POLL: variants seen among roughly 807,000 people sequenced by gnomAD.
POLL encodes DNA polymerase lambda.
POLL carries 44 observed loss-of-function variants against 58.1 expected under a neutral mutation model. The observed-to-expected ratio is 0.76, with a 90% confidence interval of 0.60 to 0.97. The LOEUF (loss-of-function observed/expected upper bound fraction) is 0.97, where lower values mean the gene tolerates loss of function less well. POLL is among the 50% of genes least tolerant of loss of function. The pLI is 0.00. For synonymous variants in POLL, 290 were observed against 283.2 expected (o/e 1.02, Z -0.24); for missense variants, 632 against 736.8 (o/e 0.86, Z 1.65).
In POLL at chr10:101,588,126, C is replaced by T. The variant is rs1348016733; in HGVS notation, c.-351G>A. ...CCCCGGCCCCAAGAGTCTCTCCAAC[C>T]CCCAGAGTCGGTCCCCGGGTGGGGT... is the stretch of plus-strand genomic sequence containing the variant. On this transcript the variant is annotated 5_prime_UTR_variant, in exon 1 of 9. Transcript: ENST00000370162. The T allele has an allele frequency of 1.1e-5, 16 of 1,515,072 alleles. No homozygotes were observed. The highest frequency in any genetic ancestry group is 1.1e-5 in the Non-Finnish European group (12 of 1,133,786). The allele number at this position is 1,515,072 out of a possible 1,614,324, so 93.9% of individuals were successfully genotyped here. A position where few individuals can be genotyped will look rare whatever the true frequency, so the allele number is the denominator to read the frequency against.
Position 101,580,624 on chromosome 10 carries a change from A to G in POLL, c.1195-208T>C. On this transcript the variant is annotated intron_variant, in intron 7 of 8. Transcript: ENST00000370162. This position sits in a 1 kb window ranked among gnomAD's most constrained non-coding sequence, Gnocchi z 4.1. ...GAGAAGAAAAAGCTCACTGTGCAGG[A>G]GGCAAGCCTGAGGAGAGACGGGAGA... 1 of 548,956 alleles carries G rather than the reference A, an allele frequency of 1.8e-6. No homozygotes were observed. The highest frequency in any genetic ancestry group is 3.1e-5 in the East Asian group (1 of 32,104). 34.0% of individuals were successfully genotyped at this position (548,956 alleles called of 1,614,324 possible).
chr10:101,587,750 A>G, intron 1 of POLL, 72 bp downstream of exon 1: 1 of 1,188,094 alleles, frequency 8.4e-7, no homozygotes, highest in East Asian at 5.9e-5. Flanking sequence ...CTGGGCTAGG[A>G]AATGGAGCTT....
Position 101,584,273 on chromosome 10 carries a change from A to T in POLL, c.891+329T>A, listed in dbSNP as rs117317557. On this transcript the variant is annotated intron_variant, in intron 5 of 8. Transcript: ENST00000370162. Reference sequence around the variant, plus strand: ...CGAGGGTAGATTGCTTGAGCCCAGGAGTTCAAGACCAGCCTGGGTAACACG... The same window carrying T: ...CGAGGGTAGATTGCTTGAGCCCAGGTGTTCAAGACCAGCCTGGGTAACACG... Among the ~76,000 whole-genome samples, 378 of 152,274 alleles carry T rather than the reference A, an allele frequency of 2.5e-3. 2 individuals carry two copies. Among genetic ancestry groups the T allele is most frequent in the Non-Finnish European group, 3.8e-3 (260 of 68,020 alleles).
rs777546431 is a variant in POLL at position 101,579,504 on chromosome 10, G to A, written c.1677C>T (p.Val559=). The change falls in exon 9 of 9, where the codon GTC becomes GTT. Residue 559 remains valine, a synonymous_variant. Coordinates refer to ENST00000370162, the MANE Select transcript of POLL (RefSeq NM_001174084.2). The surrounding 1 kb of genome is among the most constrained non-coding windows in gnomAD (Gnocchi z 4.4). ...GGTAGGGGAGGCCTAAGAGCCTGAA[G>A]ACATCCTTCTCAGTGGGAGTGGGCA... is the stretch of plus-strand genomic sequence containing the variant. ...RVLPTPTEKD[V]FRLLGLPYRE... 3 of 1,613,644 alleles carry A rather than the reference G, an allele frequency of 1.9e-6. No homozygotes were observed. The highest frequency in any genetic ancestry group is 2.5e-6 in the Non-Finnish European group (3 of 1,179,954).
rs773617344 is a variant in POLL, at chr10:101,584,795, G to C, written c.698C>G (p.Pro233Arg). The change falls in exon 5 of 9, where the codon CCT (proline) becomes CGT (arginine). Residue 233 changes from proline to arginine, a missense_variant. By Grantham distance (103) the Pro-to-Arg change is moderately radical. Coordinates refer to ENST00000370162, the MANE Select transcript of POLL (RefSeq NM_001174084.2). Reference protein sequence around the residue: ...LEGDCEPSPAPAVLDKWVCAQ... With the variant: ...LEGDCEPSPARAVLDKWVCAQ... ...ACAGACCCACTTATCCAGGACAGCAGGGGCTGGGCTAGGCTCACAATCTCC... is the reference window on the plus strand; with the variant it reads ...ACAGACCCACTTATCCAGGACAGCACGGGCTGGGCTAGGCTCACAATCTCC... 5 of 1,605,634 alleles carry C rather than the reference G, an allele frequency of 3.1e-6. No individual in the cohort carries two copies. Among genetic ancestry groups the C allele is most frequent in the Non-Finnish European group, 4.3e-6 (5 of 1,175,070 alleles).
Position 101,588,055 on chromosome 10 carries a change from G to A in POLL, c.-280C>T. 2 of 1,440,032 alleles carry A rather than the reference G, an allele frequency of 1.4e-6. No homozygotes were observed. The highest frequency in any genetic ancestry group is 2.4e-5 in the South Asian group (2 of 82,230). 89.2% of individuals were successfully genotyped at this position (1,440,032 alleles called of 1,614,324 possible). A position where few individuals can be genotyped will look rare whatever the true frequency, so the allele number is the denominator to read the frequency against. On this transcript the variant is annotated 5_prime_UTR_variant, in exon 1 of 9. Coordinates refer to ENST00000370162, the MANE Select transcript of POLL (RefSeq NM_001174084.2). ...CTCGCCGTGTACGCAGCTGGCGCAG[G>A]CCAGGGAATCCCAGCTCGGGGCTAG...
chr10:101,585,115 C>T (rs937917072), intron 4 of POLL, among the ~76,000 whole-genome samples, 196 bp from the exon 5 acceptor site: 18 of 152,136 alleles, frequency 1.2e-4, no homozygotes, highest in East Asian at 1.9e-4. Flanking sequence ...CAGTGCCTAG[C>T]CCTAGGATCC....
At chr10:101,581,767 T>C (rs1250562951) in intron 7 of POLL, 1 of 152,088 alleles carries the variant, frequency 6.6e-6, no homozygotes, top group East Asian at 1.9e-4. Flanking sequence ...CAACCAACAT[T>C]AAGAAAATCC....
At chr10:101,584,999 T>C in intron 4 of POLL, 80 bp from the exon 5 acceptor site, 1 of 779,744 alleles carries the variant, frequency 1.3e-6, no homozygotes, top group Non-Finnish European at 1.8e-6. Context: ...GTCATCTTCT[T>C]TGTGCGGGGG....
rs1465090884 is a variant in POLL at position 101,580,220 on chromosome 10, C to A, written c.1363+28G>T. 3 of 1,595,152 alleles carry A rather than the reference C, an allele frequency of 1.9e-6. No individual in the cohort carries two copies. Among genetic ancestry groups the A allele is most frequent in the Middle Eastern group, 1.7e-4 (1 of 5,916 alleles). On this transcript the variant is annotated intron_variant, in intron 8 of 8. Transcript: ENST00000370162. The surrounding 1 kb of genome is among the most constrained non-coding windows in gnomAD (Gnocchi z 4.1). ...CCAGACCTGTGCTGCCCTCTGTCAA[C>A]CTGCTCACCCAGAGATGGAGCTTAT...
At position 101,579,329 on chromosome 10, in the gene POLL, T is replaced by C; in HGVS notation, c.*124A>G. ...GCTTCAGGCCCAGAGCCCTGGGCCC[T>C]GCTCGCTGAGGAAGCTGGTGGTTGG... On this transcript the variant is annotated 3_prime_UTR_variant, in exon 9 of 9. Coordinates refer to ENST00000370162, the MANE Select transcript of POLL (RefSeq NM_001174084.2). This position sits in a 1 kb window ranked among gnomAD's most constrained non-coding sequence, Gnocchi z 4.4. The C allele has an allele frequency of 8.3e-7, 1 of 1,201,488 alleles. No homozygotes were observed. The highest frequency in any genetic ancestry group is 1.2e-6 in the Non-Finnish European group (1 of 866,896). The allele number at this position is 1,201,488 out of a possible 1,614,324, so 74.4% of individuals were successfully genotyped here. A position where few individuals can be genotyped will look rare whatever the true frequency, so the allele number is the denominator to read the frequency against.
chr10:101,586,993 G>GTCA, intron 2 of POLL: 1 of 574,236 alleles, frequency 1.7e-6, no homozygotes, highest in Non-Finnish European at 3.1e-6. Context: ...AATTATACTG[G>GTCA]TCATTCCCTG....
At chr10:101,584,990 T>A in intron 4 of POLL, 71 bp from the exon 5 acceptor site, 15 of 686,900 alleles carry the variant, frequency 2.2e-5, no homozygotes, top group South Asian at 3.3e-5. Context: ...AAGGTGGGGG[T>A]CATCTTCTTT....
At chr10:101,585,134 A>G (rs910047544) in intron 4 of POLL, among the ~76,000 whole-genome samples, 182 bp downstream of exon 4, 2 of 152,090 alleles carry the variant, frequency 1.3e-5, no homozygotes, top group African/African-American at 4.8e-5. Context: ...CCCCAGTGGT[A>G]TGTGTTAGAT....
rs751436251 is a variant in POLL, at chr10:101,579,843, G to A, written c.1364-26C>T. The A allele has an allele frequency of 6.3e-7, 1 of 1,597,398 alleles. No homozygotes were observed. ...CTGGCCCAACAGAGGGGACTGCTGG[G>A]AGGGCAGGGAACCAGGCCTGGGCTG... is the stretch of plus-strand genomic sequence containing the variant. On this transcript the variant is annotated intron_variant, in intron 8 of 8. Transcript: ENST00000370162. The surrounding 1 kb of genome is among the most constrained non-coding windows in gnomAD (Gnocchi z 4.4).
Position 101,580,080 on chromosome 10 carries a change from C to T in POLL, c.1363+168G>A. 5.7e-6 allele frequency: 4 copies of T among 707,002 alleles called. No homozygotes were observed. The highest frequency in any genetic ancestry group is 9.2e-6 in the Non-Finnish European group (4 of 433,200). 43.8% of individuals were successfully genotyped at this position (707,002 alleles called of 1,614,324 possible). On this transcript the variant is annotated intron_variant, in intron 8 of 8. Coordinates refer to ENST00000370162, the MANE Select transcript of POLL (RefSeq NM_001174084.2). This position sits in a 1 kb window ranked among gnomAD's most constrained non-coding sequence, Gnocchi z 4.1. Reference sequence around the variant, plus strand: ...CATAGGTGTGGCGGGGCTGTTCCATCTCTCCCTGGAGAGGATTCCGGCCCC... The same window carrying T: ...CATAGGTGTGGCGGGGCTGTTCCATTTCTCCCTGGAGAGGATTCCGGCCCC...
At chr10:101,583,199 G>A in intron 6 of POLL, 1 of 598,780 alleles carries the variant, frequency 1.7e-6, no homozygotes, top group Admixed American at 2.9e-5. Flanking sequence ...CCAGGATTGG[G>A]AACCACTGCT....
Position 101,580,144 on chromosome 10 carries a change from G to T in POLL, c.1363+104C>A. ...GATGCTGGCAAAGCACTGTTCCCCTGCTTCCTGCCTCAGGACTGGAACTTC... is the reference window on the plus strand; with the variant it reads ...GATGCTGGCAAAGCACTGTTCCCCTTCTTCCTGCCTCAGGACTGGAACTTC... On this transcript the variant is annotated intron_variant, in intron 8 of 8. Transcript: ENST00000370162. This position sits in a 1 kb window ranked among gnomAD's most constrained non-coding sequence, Gnocchi z 4.1. 1 of 1,025,582 alleles carries T rather than the reference G, an allele frequency of 9.8e-7. No individual in the cohort carries two copies. The highest frequency in any genetic ancestry group is 1.5e-6 in the Non-Finnish European group (1 of 687,426). 63.5% of individuals were successfully genotyped at this position (1,025,582 alleles called of 1,614,324 possible).
chr10:101,588,175 C>A lies in POLL; in HGVS notation c.-400G>T. On this transcript the variant is annotated 5_prime_UTR_variant, in exon 1 of 9. Transcript: ENST00000370162. ...GTCGACTACTGGCCAAGCTAGTCACCCGGGGGTGGGCAGGAATAGACCACT... is the reference window on the plus strand; with the variant it reads ...GTCGACTACTGGCCAAGCTAGTCACACGGGGGTGGGCAGGAATAGACCACT... The A allele has an allele frequency of 6.6e-7, 1 of 1,525,724 alleles. No homozygotes were observed. The allele number at this position is 1,525,724 out of a possible 1,614,324, so 94.5% of individuals were successfully genotyped here.
Sources: gnomAD v4.1 joint callset for allele counts (sites outside exome capture counted in the v4.1 genomes callset) on GRCh38, gnomAD v4.1.1 for gene constraint, Gnocchi (gnomAD v3.1) non-coding constraint, MANE v1.5 for transcripts, NCBI Gene and HGNC (gene_info 2026-07-23, HGNC 2026-07-21) for gene names.